The following ADAM22 variants were observed in gnomAD, a reference collection of about 807,000 sequenced individuals.
ADAM22 encodes the protein disintegrin and metalloproteinase domain-containing protein 22.
ADAM22 carries 65 observed loss-of-function variants against 144.6 expected under a neutral mutation model. The observed-to-expected ratio is 0.45, with a 90% CI of 0.37 to 0.55. ADAM22 has a LOEUF of 0.55. Ranked by LOEUF, ADAM22 falls within the 20% of genes least tolerant of loss-of-function variation. The pLI, the probability that ADAM22 is intolerant of heterozygous loss-of-function variation, is 0.00. For synonymous variants in ADAM22, 391 were observed against 412.6 expected (o/e 0.95, Z 0.63); for missense variants, 974 against 1,184.9 (o/e 0.82, Z 2.61).
At chr7:88,075,755 T>C in intron 4 of ADAM22, 63 bp downstream of exon 4, 1 of 1,167,826 alleles carries the variant, frequency 8.6e-7, no homozygotes, top group Non-Finnish European at 1.3e-6. Flanking sequence ...TACTGATTAT[T>C]ATTTTAATTT....
chr7:88,113,687 T>TATAAATAAATAAATAAATAA (rs1219225144), intron 5 of ADAM22, among the ~76,000 whole-genome samples: 5 of 69,042 alleles, frequency 7.2e-5, no homozygotes, highest in East Asian at 1.3e-3. Context: ...ATATATATAT[T>TATAAATAAATAAATAAATAA]ATAAATAAAT....
chr7:88,139,459 A>AAAT (rs1563304850), intron 14 of ADAM22, among the ~76,000 whole-genome samples: 24 of 148,216 alleles, frequency 1.6e-4, no homozygotes, highest in African/African-American at 5.8e-4. Context: ...AATAAATAAA[A>AAAT]GGAGGGGCTT....
chr7:88,188,536 G>C (rs1180235081), intron 30 of ADAM22, among the ~76,000 whole-genome samples: 2 of 152,188 alleles, frequency 1.3e-5, no homozygotes, highest in Non-Finnish European at 2.9e-5. Context: ...ATGTTTAAAG[G>C]TTAGACAAAG....
At position 88,075,638 on chromosome 7, in the gene ADAM22, C is replaced by G; in HGVS notation, c.336C>G (p.Ser112=). 2 of 1,613,448 alleles carry G rather than the reference C, an allele frequency of 1.2e-6. No individual in the cohort carries two copies. Among genetic ancestry groups the G allele is most frequent in the Non-Finnish European group, 1.7e-6 (2 of 1,179,752 alleles). ...LDVVLNHDLL[S]SEYIERHIEH... ...TTTGTTGTTGCAGTGATTTGCTGTCCTCTGAATACATAGAGAGACACATTG... is the reference window on the plus strand; with the variant it reads ...TTTGTTGTTGCAGTGATTTGCTGTCGTCTGAATACATAGAGAGACACATTG... The change falls in exon 4 of 32, where the codon TCC becomes TCG. Residue 112 remains serine (S), a synonymous_variant. Transcript: ENST00000413139.
Position 88,131,846 on chromosome 7 carries a change from G to GT in ADAM22, c.992+413dup, listed in dbSNP as rs567863928. The GT allele has an allele frequency of 3.4e-3, 578 of 171,458 alleles. 4 individuals are homozygous for GT. The highest frequency in any genetic ancestry group is 0.013 in the African/African-American group (542 of 42,360). The allele number at this position is 171,458 out of a possible 1,614,324, so 10.6% of individuals were successfully genotyped here. ...ATTTTTAATTTTTTCTCACTCTTAT[G>GT]TTCTTTTTTTGATAGCATGCATATT... On this transcript the variant is annotated intron_variant, in intron 11 of 31. Transcript: ENST00000413139.
rs542110344 is a variant in ADAM22, at chr7:88,009,766, C to T, written c.323+31354C>T. On this transcript the variant is annotated intron_variant, in intron 3 of 31. Coordinates refer to ENST00000413139, the MANE Select transcript of ADAM22 (RefSeq NM_001324418.2). ...TTTTAAACCTTTTATCCCTACTACC[C>T]TATCCTTCAGTTGGAGGCATCATGG... Among the ~76,000 whole-genome samples the T allele has an allele frequency of 2.6e-4, 39 of 152,256 alleles. No homozygotes were observed. The South Asian group carries it at 4.6e-3, about 18-fold the overall frequency.
chr7:87,997,532 CT>C (rs935376404), intron 3 of ADAM22, among the ~76,000 whole-genome samples: 2 of 152,214 alleles, frequency 1.3e-5, no homozygotes, highest in African/African-American at 4.8e-5. Flanking sequence ...ACTTCCAAGC[CT>C]TTTTAGGTTG....
At chr7:88,010,609 T>C (rs1795136641) in intron 3 of ADAM22, among the ~76,000 whole-genome samples, 1 of 152,198 alleles carries the variant, frequency 6.6e-6, no homozygotes, top group Non-Finnish European at 1.5e-5. Flanking sequence ...TTCCAGCTCC[T>C]AGTGGGAACA....
chr7:88,069,734 A>G (rs903627252), intron 3 of ADAM22, among the ~76,000 whole-genome samples: 2 of 152,196 alleles, frequency 1.3e-5, no homozygotes, highest in Non-Finnish European at 2.9e-5. Flanking sequence ...GAGGTAGCCC[A>G]GGTGTAGACC....
chr7:88,155,813 G>A (rs1839795764), intron 21 of ADAM22, 74 bp from the exon 22 acceptor site: 1 of 1,517,022 alleles, frequency 6.6e-7, no homozygotes, highest in African/African-American at 1.4e-5. Flanking sequence ...GCTAAAATGA[G>A]AGAAGATTAT....
intron 2 of ADAM22, among the ~76,000 whole-genome samples, chr7:87,951,912 G>A (rs958389836): frequency 4.1e-5 from 6 of 145,902 alleles, no homozygotes; most frequent in Non-Finnish European, 7.5e-5. Context: ...AACTGTGAAT[G>A]GTAGTTCACT....
At chr7:88,196,428 C>T in intron 31 of ADAM22, 43 bp from the exon 32 acceptor site, 1 of 1,611,772 alleles carries the variant, frequency 6.2e-7, no homozygotes, top group South Asian at 1.1e-5. Flanking sequence ...ACATCTGCTT[C>T]CTGCTTTCAC....
intron 4 of ADAM22, among the ~76,000 whole-genome samples, chr7:88,093,359 T>C (rs1820439895): frequency 6.6e-6 from 1 of 151,864 alleles, no homozygotes; most frequent in Admixed American, 6.6e-5. Flanking sequence ...TTAATAAAAA[T>C]ACCTTAGTTT....
intron 2 of ADAM22, among the ~76,000 whole-genome samples, chr7:87,968,446 G>T (rs942378080): frequency 6.6e-6 from 1 of 152,184 alleles, no homozygotes; most frequent in Non-Finnish European, 1.5e-5. Flanking sequence ...ACTGAGGTAG[G>T]AGAATTGCTT....
At chr7:88,180,382 G>C (rs555472927) in intron 27 of ADAM22, among the ~76,000 whole-genome samples, 5 of 152,000 alleles carry the variant, frequency 3.3e-5, no homozygotes, top group Non-Finnish European at 7.4e-5. Context: ...ATGGTTTCCA[G>C]CAGAATTTCT....
intron 7 of ADAM22, among the ~76,000 whole-genome samples, chr7:88,117,481 G>GTCT (rs1828057547): frequency 6.6e-6 from 1 of 152,198 alleles, no homozygotes; most frequent in Non-Finnish European, 1.5e-5. Flanking sequence ...TCGCTTCCAA[G>GTCT]TCTTCACATG....
At chr7:88,127,635 A>G (rs1206509918) in intron 8 of ADAM22, among the ~76,000 whole-genome samples, 3 of 151,914 alleles carry the variant, frequency 2.0e-5, no homozygotes, top group Non-Finnish European at 2.9e-5. Flanking sequence ...AGCAATGACA[A>G]AATCCATGTG....
intron 3 of ADAM22, among the ~76,000 whole-genome samples, chr7:88,020,868 G>C (rs1184207273): frequency 6.6e-6 from 1 of 152,154 alleles, no homozygotes; most frequent in Non-Finnish European, 1.5e-5. Flanking sequence ...CAGAAACCTG[G>C]CTTTTAGTAC....
At chr7:88,196,156 A>G (rs999657420) in intron 31 of ADAM22, among the ~76,000 whole-genome samples, 5 of 152,234 alleles carry the variant, frequency 3.3e-5, no homozygotes, top group Non-Finnish European at 5.9e-5. Context: ...CTTAAAAAAT[A>G]ATATTTTAAA....
Sources: gnomAD v4.1 joint callset for allele counts (sites outside exome capture counted in the v4.1 genomes callset) on GRCh38, gnomAD v4.1.1 for gene constraint, MANE v1.5 for transcripts, NCBI Gene and HGNC (gene_info 2026-07-23, HGNC 2026-07-21) for gene names.